The following CALCR variants were observed in gnomAD, a reference collection of about 807,000 sequenced individuals.
CALCR encodes calcitonin receptor.
CALCR carries 47 observed loss-of-function variants against 59.5 expected under a neutral mutation model. The ratio of observed to expected loss-of-function variants is 0.79; its 90% confidence interval spans 0.63 to 1.01. The LOEUF (loss-of-function observed/expected upper bound fraction) is 1.01. Ranked by LOEUF, CALCR falls within the 50% of genes least tolerant of loss-of-function variation. CALCR has a pLI of 0.00. For synonymous variants in CALCR, 213 were observed against 211.3 expected (o/e 1.01, Z -0.07); for missense variants, 566 against 597.1 (o/e 0.95, Z 0.54).
Position 93,490,652 on chromosome 7 carries a change from C to T in CALCR, c.-26-3645G>A, listed in dbSNP as rs535067373. ...GCCAAATCACAAATGAACTCCAATT[C>T]ACAATCATTACAAAGAGAATAAAAT... On this transcript the variant is annotated intron_variant, in intron 2 of 13. Coordinates refer to ENST00000426151, the MANE Select transcript of CALCR (RefSeq NM_001742.4). Among the ~76,000 whole-genome samples, 6 of 151,940 alleles carry T rather than the reference C, an allele frequency of 3.9e-5. No individual in the cohort carries two copies. In the South Asian group the frequency reaches 1.2e-3, roughly 32 times the overall value.
At chr7:93,432,440 A>G (rs1461631786) in intron 13 of CALCR, among the ~76,000 whole-genome samples, 1 of 152,222 alleles carries the variant, frequency 6.6e-6, no homozygotes, top group Non-Finnish European at 1.5e-5. Flanking sequence ...CCTAAAATCC[A>G]TGGGTCTGTG....
chr7:93,506,346 A>C (rs1801424648), intron 2 of CALCR, among the ~76,000 whole-genome samples: 1 of 152,118 alleles, frequency 6.6e-6, no homozygotes, highest in Non-Finnish European at 1.5e-5. Flanking sequence ...ATTAAAGACC[A>C]ATTTCATGGT....
chr7:93,502,404 T>C (rs1411905444), intron 2 of CALCR, among the ~76,000 whole-genome samples: 1 of 152,156 alleles, frequency 6.6e-6, no homozygotes, highest in African/African-American at 2.4e-5. Context: ...TCTAGAAACA[T>C]ACGTATTTAA....
chr7:93,429,924 TTG>T (rs1414668422), intron 13 of CALCR, among the ~76,000 whole-genome samples: 5 of 83,090 alleles, frequency 6.0e-5, no homozygotes, highest in African/African-American at 9.6e-5. Context: ...GTTTTTTTTT[TTG>T]TTTGTTTGTT....
At chr7:93,541,038 A>C (rs1010488282) in intron 2 of CALCR, among the ~76,000 whole-genome samples, 3 of 152,090 alleles carry the variant, frequency 2.0e-5, no homozygotes, top group Non-Finnish European at 4.4e-5. Context: ...AAAAATACTG[A>C]TATGTTTTGG....
intron 2 of CALCR, among the ~76,000 whole-genome samples, chr7:93,563,994 T>C (rs1298774367): frequency 1.3e-5 from 2 of 152,328 alleles, no homozygotes; most frequent in Admixed American, 6.5e-5. Context: ...GTAAGTACTA[T>C]GTGTTAGCTA....
At chr7:93,447,192 G>A (rs1263412202) in intron 8 of CALCR, among the ~76,000 whole-genome samples, 2 of 151,886 alleles carry the variant, frequency 1.3e-5, no homozygotes, top group Non-Finnish European at 2.9e-5. Flanking sequence ...TGCCCCAAAG[G>A]GCATTTATAA....
At chr7:93,440,394 C>T (rs1799875563) in intron 9 of CALCR, among the ~76,000 whole-genome samples, 1 of 152,100 alleles carries the variant, frequency 6.6e-6, no homozygotes, top group African/African-American at 2.4e-5. Flanking sequence ...TAATTTCACC[C>T]ATTTTCCTCC....
At chr7:93,524,121 T>TA (rs1801822684) in intron 2 of CALCR, among the ~76,000 whole-genome samples, 1 of 151,766 alleles carries the variant, frequency 6.6e-6, no homozygotes, top group Non-Finnish European at 1.5e-5. Flanking sequence ...GCTAGAGTCT[T>TA]ACCACCCCCA....
At chr7:93,516,502 T>C (rs1801654045) in intron 2 of CALCR, among the ~76,000 whole-genome samples, 1 of 151,866 alleles carries the variant, frequency 6.6e-6, no homozygotes, top group Admixed American at 6.6e-5. Context: ...ACATTGTGGA[T>C]TGCTATGCAG....
Position 93,426,076 on chromosome 7 carries a change from T to A in CALCR, c.*280A>T, listed in dbSNP as rs1799519692. 1 of 319,806 alleles carries A rather than the reference T, an allele frequency of 3.1e-6. No homozygotes were observed. Among genetic ancestry groups the A allele is most frequent in the Admixed American group, 4.6e-5 (1 of 21,602 alleles). The allele number at this position is 319,806 out of a possible 1,614,324, so 19.8% of individuals were successfully genotyped here. ...TCTGAACTAGGTCAATTTCATTGTT[T>A]TTCTTTGATACTTTGCTTGCATTAC... On this transcript the variant is annotated 3_prime_UTR_variant, in exon 14 of 14. Transcript: ENST00000426151.
chr7:93,478,059 G>C (rs976309668), intron 4 of CALCR, among the ~76,000 whole-genome samples: 3 of 147,808 alleles, frequency 2.0e-5, no homozygotes, highest in African/African-American at 7.5e-5. Context: ...TCAGATCCAG[G>C]CTTTCAAGAA....
At chr7:93,497,175 A>G (rs1028260080) in intron 2 of CALCR, among the ~76,000 whole-genome samples, 2 of 151,536 alleles carry the variant, frequency 1.3e-5, no homozygotes, top group African/African-American at 4.8e-5. Context: ...AATAATTCAG[A>G]TGATAGGGGA....
intron 2 of CALCR, among the ~76,000 whole-genome samples, chr7:93,489,916 AGC>A (rs1801036259): frequency 1.3e-5 from 2 of 152,034 alleles, no homozygotes; most frequent in African/African-American, 4.8e-5. Flanking sequence ...TTATGAAGCC[AGC>A]ATCATCCTGA....
At position 93,480,373 on chromosome 7, in the gene CALCR, T is replaced by C. The variant is rs550605399; in HGVS notation, c.52-866A>G. Among the ~76,000 whole-genome samples, 5 of 151,958 alleles carry C rather than the reference T, an allele frequency of 3.3e-5. No homozygotes were observed. The South Asian group carries it at 8.3e-4, about 25-fold the overall frequency. On this transcript the variant is annotated intron_variant, in intron 3 of 13. Coordinates refer to ENST00000426151, the MANE Select transcript of CALCR (RefSeq NM_001742.4). The stretch of plus-strand genomic sequence containing the variant: ...GAATTTTTAATATCCATGTTCTGCA[T>C]AGAGATTTTTTTTTCTTTTTTTGAG...
chr7:93,546,439 G>A (rs1360774803), intron 2 of CALCR, among the ~76,000 whole-genome samples: 2 of 152,250 alleles, frequency 1.3e-5, no homozygotes, highest in African/African-American at 2.4e-5. Flanking sequence ...TGTATTTAAA[G>A]CCACACAGTT....
intron 5 of CALCR, 133 bp from the exon 6 acceptor site, chr7:93,472,620 A>C: frequency 1.6e-6 from 1 of 611,932 alleles, no homozygotes; most frequent in Admixed American, 2.9e-5. Context: ...ATGTCAGTAG[A>C]GACTATCACA....
intron 2 of CALCR, among the ~76,000 whole-genome samples, chr7:93,504,511 G>T (rs1034504059): frequency 6.6e-6 from 1 of 151,924 alleles, no homozygotes; most frequent in Non-Finnish European, 1.5e-5. Context: ...TTCTCCCACC[G>T]TATGTAAAAC....
intron 2 of CALCR, among the ~76,000 whole-genome samples, chr7:93,557,509 C>G (rs73711699): frequency 0.012 from 1,557 of 134,706 alleles, 20 homozygotes; most frequent in African/African-American, 0.039. Flanking sequence ...ATACTTTTTC[C>G]ATGCTGTTAG....
Sources: gnomAD v4.1 joint callset for allele counts (sites outside exome capture counted in the v4.1 genomes callset) on GRCh38, gnomAD v4.1.1 for gene constraint, MANE v1.5 for transcripts, NCBI Gene and HGNC (gene_info 2026-07-23, HGNC 2026-07-21) for gene names.